The following KIAA0753 variants were observed in gnomAD, a reference collection of about 807,000 sequenced individuals.
KIAA0753 encodes KIAA0753, also known as protein moonraker.
A neutral mutation model predicts 116.9 loss-of-function variants in KIAA0753; 114 were observed. That is an observed-to-expected ratio of 0.98 (90% CI 0.84 to 1.14). KIAA0753 has a LOEUF of 1.14. Among genes scored for constraint, KIAA0753 ranks in the 50% most tolerant of loss-of-function variants. The pLI is 0.00. For synonymous variants in KIAA0753, 405 were observed against 413.1 expected (o/e 0.98, Z 0.24); for missense variants, 1,156 against 1,172.4 (o/e 0.99, Z 0.20).
At chr17:6,614,206 G>C (rs1274243987) in intron 7 of KIAA0753, among the ~76,000 whole-genome samples, 1 of 152,192 alleles carries the variant, frequency 6.6e-6, no homozygotes, top group South Asian at 2.1e-4. Flanking sequence ...CAACTTGATT[G>C]TTCTGGTAAA....
chr17:6,590,998 AG>A, intron 16 of KIAA0753, among the ~76,000 whole-genome samples: 18 of 93,050 alleles, frequency 1.9e-4, no homozygotes, highest in African/African-American at 6.8e-4. Context: ...AGAAAGAAGA[AG>A]GAAGAAGAAG....
At chr17:6,591,715 T>A (rs1969077872) in intron 16 of KIAA0753, among the ~76,000 whole-genome samples, 1 of 152,244 alleles carries the variant, frequency 6.6e-6, no homozygotes, top group African/African-American at 2.4e-5. Flanking sequence ...GTCTTCTACA[T>A]GATGCAACCT....
chr17:6,614,474 T>C (rs1223776553), intron 7 of KIAA0753, among the ~76,000 whole-genome samples: 1 of 146,484 alleles, frequency 6.8e-6, no homozygotes, highest in Non-Finnish European at 1.5e-5. Flanking sequence ...TATCAATGTA[T>C]GTATCAATAT....
Position 6,610,129 on chromosome 17 carries a change from C to T in KIAA0753, c.1577G>A (p.Ser526Asn), listed in dbSNP as rs1214219858. 3.1e-6 allele frequency: 5 copies of T among 1,614,100 alleles called. No individual in the cohort carries two copies. The East Asian group carries it at 8.9e-5, about 29-fold the overall frequency. ...CACTCTGCTTTTACTGTGAGGTTGG[C>T]TTTGTCTACCTCTTTCAGCTTTGCG... ...GLRKAERGRQSQPHSKSRVQQ... is the reference protein window; with the variant it reads ...GLRKAERGRQNQPHSKSRVQQ... The change falls in exon 9 of 19, where the codon AGC becomes AAC. Residue 526 changes from serine to asparagine, a missense_variant. Physicochemically the swap from Ser to Asn is conservative, Grantham distance 46. Transcript: ENST00000361413.
At chr17:6,602,291 A>G (rs1344556593) in intron 12 of KIAA0753, among the ~76,000 whole-genome samples, 5 of 152,250 alleles carry the variant, frequency 3.3e-5, no homozygotes, top group African/African-American at 1.2e-4. Context: ...AAATGAAAGC[A>G]TATTTCTACA....
rs1971258774 is a variant in KIAA0753, at chr17:6,620,730, T to C, written c.1315+58A>G. ...TTTCCCCTCAGTGCAGTAACTGTTATAGCCCAGATAATTGTAATGAATAAA... is the reference window on the plus strand; with the variant it reads ...TTTCCCCTCAGTGCAGTAACTGTTACAGCCCAGATAATTGTAATGAATAAA... On this transcript the variant is annotated intron_variant, in intron 7 of 18. Transcript: ENST00000361413. The C allele has an allele frequency of 7.1e-6, 11 of 1,540,530 alleles. No homozygotes were observed. The South Asian group carries it at 9.0e-5, about 13-fold the overall frequency.
At chr17:6,614,309 G>A (rs1310267145) in intron 7 of KIAA0753, among the ~76,000 whole-genome samples, 1 of 152,100 alleles carries the variant, frequency 6.6e-6, no homozygotes, top group East Asian at 1.9e-4. Context: ...GAGGAAGCCA[G>A]GAACACAGAT....
In KIAA0753 at chr17:6,579,669, A is replaced by G; in HGVS notation, c.*78T>C. On this transcript the variant is annotated 3_prime_UTR_variant, in exon 19 of 19. Transcript: ENST00000361413. The stretch of plus-strand genomic sequence containing the variant: ...GCCTGGATGGACAGCTGAGGATGAA[A>G]ATTTCCTGTGGGCCAAAACAAAGGG... 1 of 1,028,620 alleles carries G rather than the reference A, an allele frequency of 9.7e-7. No individual in the cohort carries two copies. 63.7% of individuals were successfully genotyped at this position (1,028,620 alleles called of 1,614,324 possible).
chr17:6,591,113 A>G (rs1311990772), intron 16 of KIAA0753, among the ~76,000 whole-genome samples: 1 of 150,628 alleles, frequency 6.6e-6, no homozygotes, highest in Non-Finnish European at 1.5e-5. Flanking sequence ...AGAAGAAAAC[A>G]CTCACACCTG....
At chr17:6,632,732 C>A (rs1242787675) in intron 2 of KIAA0753, among the ~76,000 whole-genome samples, 1 of 152,148 alleles carries the variant, frequency 6.6e-6, no homozygotes, top group Non-Finnish European at 1.5e-5. Context: ...GATAGGGTGT[C>A]CTGAGAAGCA....
Position 6,622,939 on chromosome 17 carries a change from C to T in KIAA0753, c.1047G>A (p.Lys349=), listed in dbSNP as rs1334200521. ...CAGGAACAGAAGGGTCTGCATCCAG[C>T]TTGACAGAACAAAGTGAAAGCTGGC... The part of the protein sequence containing the change: ...LIRQLSLCSV[K]LDADPSVPDV... The change falls in exon 6 of 19, where the codon AAG becomes AAA. Residue 349 remains lysine (K), a synonymous_variant. Transcript: ENST00000361413. The T allele has an allele frequency of 6.2e-7, 1 of 1,614,032 alleles. No homozygotes were observed. Among genetic ancestry groups the T allele is most frequent in the African/African-American group, 1.3e-5 (1 of 74,922 alleles).
In KIAA0753 at chr17:6,624,751, ACAC is replaced by A. The variant is rs777673596; in HGVS notation, c.825+1_825+3del. ...TGCCCTACTTCTCCCTGAACTTTTC[ACAC>A]CTGCTGCTGGAGGACGTAGAGCATT... On this transcript the variant is annotated splice_donor_variant and splice_donor_region_variant and intron_variant, in intron 4 of 18. Coordinates refer to ENST00000361413, the MANE Select transcript of KIAA0753 (RefSeq NM_014804.3). LOFTEE classifies it high-confidence loss of function. The A allele has an allele frequency of 6.4e-7, 1 of 1,552,880 alleles. No homozygotes were observed. Among genetic ancestry groups the A allele is most frequent in the East Asian group, 2.4e-5 (1 of 41,626 alleles).
At chr17:6,580,269 T>C (rs1413015890) in intron 18 of KIAA0753, among the ~76,000 whole-genome samples, 2 of 152,046 alleles carry the variant, frequency 1.3e-5, no homozygotes, top group African/African-American at 2.4e-5. Context: ...AACAAGTCAA[T>C]TCTGAAATCT....
intron 16 of KIAA0753, among the ~76,000 whole-genome samples, chr17:6,594,428 AT>A (rs1969315941): frequency 6.6e-6 from 1 of 152,220 alleles, no homozygotes; most frequent in African/African-American, 2.4e-5. Context: ...TATAGTATTT[AT>A]AAAACACTAT....
intron 2 of KIAA0753, among the ~76,000 whole-genome samples, chr17:6,629,340 T>C (rs1253243709): frequency 6.6e-6 from 1 of 152,218 alleles, no homozygotes; most frequent in Non-Finnish European, 1.5e-5. Flanking sequence ...CATAAACATG[T>C]TTCTATATCC....
At chr17:6,600,768 A>C (rs1969814065) in intron 12 of KIAA0753, among the ~76,000 whole-genome samples, 1 of 152,230 alleles carries the variant, frequency 6.6e-6, no homozygotes, top group African/African-American at 2.4e-5. Flanking sequence ...ACTTCAAAAA[A>C]AATAACGGTT....
At chr17:6,622,752 G>A in intron 6 of KIAA0753, 130 bp downstream of exon 6, 1 of 752,414 alleles carries the variant, frequency 1.3e-6, no homozygotes, top group Non-Finnish European at 2.2e-6. Context: ...TGTTTCTTCT[G>A]CCCTCTGCAA....
At chr17:6,626,500 T>C (rs1431457181) in intron 3 of KIAA0753, among the ~76,000 whole-genome samples, 1 of 152,134 alleles carries the variant, frequency 6.6e-6, no homozygotes, top group African/African-American at 2.4e-5. Context: ...CGGATTCACA[T>C]ACTTCTATGA....
intron 7 of KIAA0753, among the ~76,000 whole-genome samples, chr17:6,614,702 A>C (rs564108913): frequency 6.6e-6 from 1 of 152,352 alleles, no homozygotes; most frequent in Non-Finnish European, 1.5e-5. Context: ...CCTCAACTGT[A>C]CTGCCATCTG....
Sources: gnomAD v4.1 joint callset for allele counts (sites outside exome capture counted in the v4.1 genomes callset) on GRCh38, gnomAD v4.1.1 for gene constraint, MANE v1.5 for transcripts, NCBI Gene and HGNC (gene_info 2026-07-23, HGNC 2026-07-21) for gene names.